The following P4HA1 variants were observed in gnomAD, a reference collection of about 807,000 sequenced individuals.
P4HA1 encodes the protein prolyl 4-hydroxylase subunit alpha-1.
A neutral mutation model predicts 72.8 loss-of-function variants in P4HA1; 24 were observed. The ratio of observed to expected loss-of-function variants is 0.33; its 90% CI spans 0.24 to 0.46. The LOEUF is 0.46. P4HA1 is among the 20% of genes least tolerant of loss of function. The probability of loss-of-function intolerance (pLI) is 1.00; values close to 1 mark genes in which losing one functional copy is unlikely to be tolerated. For missense variants in P4HA1, 446 were observed against 640.6 expected (o/e 0.70, Z 3.28); for synonymous variants, 201 against 218.8 (o/e 0.92, Z 0.72).
At chr10:73,058,133 A>T (rs908880958) in intron 5 of P4HA1, among the ~76,000 whole-genome samples, 6 of 151,022 alleles carry the variant, frequency 4.0e-5, no homozygotes, top group Non-Finnish European at 8.8e-5. Flanking sequence ...GAATAAAGAC[A>T]ACATTGATAG....
chr10:73,096,430 A>C (rs1842167447), intron 1 of P4HA1, among the ~76,000 whole-genome samples: 1 of 151,852 alleles, frequency 6.6e-6, no homozygotes, highest in South Asian at 2.1e-4. Context: ...GGAAAAAAAA[A>C]AAAGCAACAG....
At chr10:73,095,388 T>C (rs1842141985) in intron 1 of P4HA1, among the ~76,000 whole-genome samples, 2 of 152,078 alleles carry the variant, frequency 1.3e-5, no homozygotes. Context: ...CCCTTTAAAA[T>C]GTTTTTTAAA....
At chr10:73,028,340 AC>A (rs1840343784) in intron 10 of P4HA1, among the ~76,000 whole-genome samples, 1 of 149,156 alleles carries the variant, frequency 6.7e-6, no homozygotes, top group African/African-American at 2.6e-5. Context: ...ACACACACAC[AC>A]ACACAAAATA....
At chr10:73,037,182 C>A (rs1840593728) in intron 9 of P4HA1, among the ~76,000 whole-genome samples, 2 of 150,746 alleles carry the variant, frequency 1.3e-5, no homozygotes, top group Admixed American at 6.6e-5. Flanking sequence ...CTTTTTTTTC[C>A]ATTAAAAATT....
At chr10:73,096,578 G>C (rs1842173584) in intron 1 of P4HA1, among the ~76,000 whole-genome samples, 188 bp downstream of exon 1, 1 of 152,318 alleles carries the variant, frequency 6.6e-6, no homozygotes, top group East Asian at 1.9e-4. Flanking sequence ...GCGGGCGCCG[G>C]GAGTCGCGTG....
At chr10:73,060,107 A>T in intron 5 of P4HA1, among the ~76,000 whole-genome samples, 1 of 152,216 alleles carries the variant, frequency 6.6e-6, no homozygotes. Flanking sequence ...ATTTTGACTG[A>T]TCATATCTAG....
In P4HA1 at chr10:73,009,834, A is replaced by G; in HGVS notation, c.1507T>C (p.Cys503Arg). The G allele has an allele frequency of 6.2e-7, 1 of 1,606,158 alleles. No homozygotes were observed. Among genetic ancestry groups the G allele is most frequent in the Non-Finnish European group, 8.5e-7 (1 of 1,172,770 alleles). Residue 503 changes from cysteine to arginine, a missense_variant, in exon 14 of 15, where the codon TGT becomes CGT. Coordinates refer to ENST00000394890, the MANE Select transcript of P4HA1 (RefSeq NM_001017962.3). ...CATTTGTTGCCAACTAGCACTGGAC[A>G]GGCTGCATGCCGTGTACTATAATCT... The part of the protein sequence containing the change: ...EGDYSTRHAA[C>R]PVLVGNKWVS...
In P4HA1 at chr10:73,050,924, A is replaced by G. The variant is rs900279875; in HGVS notation, c.900+129T>C. The G allele has an allele frequency of 7.8e-6, 6 of 772,080 alleles. No individual in the cohort carries two copies. The African/African-American group carries it at 1.0e-4, about 13-fold the overall frequency. The allele number at this position is 772,080 out of a possible 1,614,324, so 47.8% of individuals were successfully genotyped here. ...ATGTTGCCTAAGCTGACATACTGTA[A>G]TATTTTATGCAGTCATTCTGATTTT... On this transcript the variant is annotated intron_variant, in intron 7 of 14. Transcript: ENST00000394890.
chr10:73,018,171 T>C lies in P4HA1; in HGVS notation c.1249-1272A>G, dbSNP rs547797593. Among the ~76,000 whole-genome samples, 12 of 152,196 alleles carry C rather than the reference T, an allele frequency of 7.9e-5. No homozygotes were observed. The South Asian group carries it at 2.3e-3, about 29-fold the overall frequency. Reference sequence around the variant, plus strand: ...CTCCCTGAGGCAGGAGCTGCAGCCATGTACTCCCTCCCAAGAAAATAGTAC... The same window carrying C: ...CTCCCTGAGGCAGGAGCTGCAGCCACGTACTCCCTCCCAAGAAAATAGTAC... On this transcript the variant is annotated intron_variant, in intron 10 of 14. Coordinates refer to ENST00000394890, the MANE Select transcript of P4HA1 (RefSeq NM_001017962.3).
At chr10:73,063,596 G>A (rs1841359842) in intron 5 of P4HA1, among the ~76,000 whole-genome samples, 1 of 152,196 alleles carries the variant, frequency 6.6e-6, no homozygotes, top group African/African-American at 2.4e-5. Flanking sequence ...AGTAAACTGA[G>A]AAGATGAGCT....
chr10:73,042,116 T>G (rs1438590364), intron 9 of P4HA1, among the ~76,000 whole-genome samples: 2 of 152,128 alleles, frequency 1.3e-5, no homozygotes, highest in Non-Finnish European at 2.9e-5. Context: ...TTAAATAAAT[T>G]TGTATGATTT....
intron 5 of P4HA1, among the ~76,000 whole-genome samples, chr10:73,060,156 G>A (rs189148863): frequency 1.3e-4 from 20 of 152,196 alleles, no homozygotes; most frequent in Admixed American, 1.1e-3. Context: ...AAAAAAACCT[G>A]TATTCAGTAG....
Position 73,047,078 on chromosome 10 carries a change from G to A in P4HA1, c.924C>T (p.Leu308=), listed in dbSNP as rs773116656. ...GGTTTCCATCATGGTAGCGGCAAAA[G>A]AGTTTTTTCTGTCTCCGAGGGGTCT... ...IKMTPRRQKK[L]FCRYHDGNRN... The change falls in exon 8 of 15, where the codon CTC becomes CTT. Residue 308 remains leucine (L), a synonymous_variant. Coordinates refer to ENST00000394890, the MANE Select transcript of P4HA1 (RefSeq NM_001017962.3). 2 of 1,613,270 alleles carry A rather than the reference G, an allele frequency of 1.2e-6. No individual in the cohort carries two copies. Among genetic ancestry groups the A allele is most frequent in the Non-Finnish European group, 1.7e-6 (2 of 1,179,446 alleles).
chr10:73,076,337 T>TACAG (rs1475385728), intron 1 of P4HA1, among the ~76,000 whole-genome samples: 1 of 151,300 alleles, frequency 6.6e-6, no homozygotes, highest in African/African-American at 2.4e-5. Flanking sequence ...TAGCTGGAAA[T>TACAG]ACAGGTCTGT....
chr10:73,074,270 C>T (rs965700962), intron 2 of P4HA1, among the ~76,000 whole-genome samples: 21 of 151,884 alleles, frequency 1.4e-4, no homozygotes, highest in African/African-American at 4.8e-4. Context: ...TTATTTATAA[C>T]AGGATGCGAG....
intron 12 of P4HA1, among the ~76,000 whole-genome samples, chr10:73,013,326 A>G (rs1360935076): frequency 1.3e-5 from 2 of 152,170 alleles, no homozygotes; most frequent in Non-Finnish European, 2.9e-5. Flanking sequence ...GTAGGTCATA[A>G]CAATACCATG....
At chr10:73,068,154 C>G (rs1841471042) in intron 5 of P4HA1, among the ~76,000 whole-genome samples, 1 of 152,116 alleles carries the variant, frequency 6.6e-6, no homozygotes, top group African/African-American at 2.4e-5. Flanking sequence ...CAACGGATAC[C>G]TTCACCTCAA....
intron 5 of P4HA1, among the ~76,000 whole-genome samples, chr10:73,067,862 G>A (rs1322561219): frequency 3.3e-5 from 5 of 152,088 alleles, no homozygotes; most frequent in Non-Finnish European, 7.4e-5. Context: ...TATACTGTAA[G>A]AATGTTAAAT....
intron 9 of P4HA1, among the ~76,000 whole-genome samples, chr10:73,032,901 T>TAGATGAATCTA (rs11275675): frequency 0.16 from 24,103 of 152,126 alleles, 3,186 homozygotes; most frequent in African/African-American, 0.34. Flanking sequence ...GGTGGATTCT[T>TAGATGAATCTA]AGATTTATCC....
Sources: gnomAD v4.1 joint callset for allele counts (sites outside exome capture counted in the v4.1 genomes callset) on GRCh38, gnomAD v4.1.1 for gene constraint, MANE v1.5 for transcripts, NCBI Gene and HGNC (gene_info 2026-07-23, HGNC 2026-07-21) for gene names.